SPAG16: variants seen among roughly 807,000 people sequenced by gnomAD.
SPAG16 encodes sperm associated antigen 16.
SPAG16 carries 86 observed loss-of-function variants against 80.4 expected under a neutral mutation model. The observed-to-expected ratio is 1.07, with a 90% CI of 0.90 to 1.28. The LOEUF (loss-of-function observed/expected upper bound fraction) is 1.28, where lower values mean the gene tolerates loss of function less well. Ranked by LOEUF, SPAG16 falls within the 50% of genes most tolerant of loss-of-function variation. The pLI is 0.00. For synonymous variants in SPAG16, 294 were observed against 265.9 expected, an observed-to-expected ratio of 1.11 and a Z score of -1.03; for missense variants, 870 against 765.3, an observed-to-expected ratio of 1.14 and a Z score of -1.61.
chr2:214,354,660 C>T (rs1425256920), intron 15 of SPAG16, among the ~76,000 whole-genome samples: 2 of 151,600 alleles, frequency 1.3e-5, no homozygotes, highest in Admixed American at 6.6e-5. Flanking sequence ...TTGTTTGTAT[C>T]CTCTTTTATT....
intron 13 of SPAG16, among the ~76,000 whole-genome samples, chr2:214,027,605 A>AT: frequency 2.0e-5 from 3 of 151,996 alleles, no homozygotes; most frequent in Non-Finnish European, 4.4e-5. Context: ...TACTCTTTCC[A>AT]GCAATCCATC....
rs565768447 is a variant in SPAG16 at position 214,229,861 on chromosome 2, G to A, written c.1720+80595G>A. Among the ~76,000 whole-genome samples, 26 of 151,850 alleles carry A rather than the reference G, an allele frequency of 1.7e-4. No homozygotes were observed. In the East Asian group the frequency reaches 5.0e-3, roughly 29 times the overall value. ...TCTGCTGCAGTTTGTATAGCATTAT[G>A]AAATTAATGAAAATATATTATTTTC... On this transcript the variant is annotated intron_variant, in intron 15 of 15. Coordinates refer to ENST00000331683, the MANE Select transcript of SPAG16 (RefSeq NM_024532.5).
chr2:213,832,580 C>A (rs1424080043), intron 10 of SPAG16, among the ~76,000 whole-genome samples: 1 of 152,062 alleles, frequency 6.6e-6, no homozygotes, highest in Non-Finnish European at 1.5e-5. Flanking sequence ...CCTTGAAGAC[C>A]TTTATTCCAG....
chr2:214,184,006 A>G (rs910159589), intron 15 of SPAG16, among the ~76,000 whole-genome samples: 1 of 152,084 alleles, frequency 6.6e-6, no homozygotes, highest in Non-Finnish European at 1.5e-5. Context: ...GGTCTTTACT[A>G]TACATGTATT....
chr2:213,797,804 G>A (rs2071139124), intron 10 of SPAG16, among the ~76,000 whole-genome samples: 1 of 152,192 alleles, frequency 6.6e-6, no homozygotes. Context: ...TCTTTGTGTA[G>A]ACATCTGCTT....
chr2:213,897,650 G>C (rs766259934), intron 11 of SPAG16, among the ~76,000 whole-genome samples: 5 of 152,106 alleles, frequency 3.3e-5, no homozygotes, highest in Non-Finnish European at 5.9e-5. Context: ...CATAGCTCGA[G>C]TGGGTAGCAT....
intron 11 of SPAG16, among the ~76,000 whole-genome samples, chr2:213,912,341 G>A (rs931005141): frequency 3.3e-5 from 5 of 151,924 alleles, no homozygotes; most frequent in Non-Finnish European, 7.4e-5. Flanking sequence ...TTTCTTGTAC[G>A]TATCTATATT....
chr2:214,177,916 CATATAT>C (rs10622953), intron 15 of SPAG16, among the ~76,000 whole-genome samples: 5 of 92,204 alleles, frequency 5.4e-5, no homozygotes, highest in South Asian at 3.4e-4. Flanking sequence ...TATATATATA[CATATAT>C]ATATATATAT....
At chr2:214,012,415 C>T (rs371048269) in intron 12 of SPAG16, among the ~76,000 whole-genome samples, 1 of 150,594 alleles carries the variant, frequency 6.6e-6, no homozygotes, top group Non-Finnish European at 1.5e-5. Flanking sequence ...CCTGCTTCAG[C>T]CTCCCGAGTA....
chr2:213,573,323 C>T (rs2059996663), intron 10 of SPAG16, among the ~76,000 whole-genome samples: 1 of 152,348 alleles, frequency 6.6e-6, no homozygotes, highest in East Asian at 1.9e-4. Context: ...TTGATTAATT[C>T]TAATTACCTA....
At chr2:213,860,459 A>C (rs1441273502) in intron 10 of SPAG16, among the ~76,000 whole-genome samples, 9 of 117,714 alleles carry the variant, frequency 7.6e-5, no homozygotes, top group Non-Finnish European at 1.1e-4. Context: ...GTATATATAT[A>C]CAGATATATC....
intron 11 of SPAG16, among the ~76,000 whole-genome samples, chr2:213,863,635 C>T (rs2075571615): frequency 2.6e-5 from 4 of 151,768 alleles, no homozygotes; most frequent in Non-Finnish European, 5.9e-5. Context: ...AGAGCCTTGC[C>T]ACCCTCTCAC....
At position 213,872,623 on chromosome 2, in the gene SPAG16, T is replaced by A. The variant is rs78721293; in HGVS notation, c.1214+9995T>A. 2.5e-4 allele frequency among the ~76,000 whole-genome samples: 38 copies of A among 152,248 alleles called. No individual in the cohort carries two copies. In the East Asian group the frequency reaches 7.0e-3, roughly 28 times the overall value. ...GCTCTGGCTCGAACCTCCAGTGCAATGTTGAAAAGAAGTGACAAATGAAGA... is the reference window on the plus strand; with the variant it reads ...GCTCTGGCTCGAACCTCCAGTGCAAAGTTGAAAAGAAGTGACAAATGAAGA... On this transcript the variant is annotated intron_variant, in intron 11 of 15. Coordinates refer to ENST00000331683, the MANE Select transcript of SPAG16 (RefSeq NM_024532.5).
chr2:214,286,156 G>A (rs1460970071), intron 15 of SPAG16, among the ~76,000 whole-genome samples: 1 of 152,156 alleles, frequency 6.6e-6, no homozygotes, highest in Admixed American at 6.5e-5. Flanking sequence ...GTAGAATGGT[G>A]GTTGCTGGGC....
At chr2:213,419,871 C>G (rs936344834) in intron 9 of SPAG16, among the ~76,000 whole-genome samples, 4 of 152,156 alleles carry the variant, frequency 2.6e-5, no homozygotes, top group Non-Finnish European at 4.4e-5. Flanking sequence ...TATCTCACTT[C>G]AGCTCCTGCA....
At chr2:214,136,565 T>C (rs1221596380) in intron 14 of SPAG16, among the ~76,000 whole-genome samples, 2 of 152,226 alleles carry the variant, frequency 1.3e-5, no homozygotes, top group Non-Finnish European at 2.9e-5. Flanking sequence ...TGGTAGTTGT[T>C]AATGCCTAAC....
At chr2:213,503,667 C>T (rs191061995) in intron 10 of SPAG16, among the ~76,000 whole-genome samples, 1 of 152,270 alleles carries the variant, frequency 6.6e-6, no homozygotes, top group South Asian at 2.1e-4. Context: ...TTTCCCTTAG[C>T]TTAGCACTAT....
chr2:213,471,742 C>A (rs2073091486), intron 9 of SPAG16, among the ~76,000 whole-genome samples: 1 of 152,166 alleles, frequency 6.6e-6, no homozygotes, highest in South Asian at 2.1e-4. Context: ...GGAGCCCACT[C>A]AAAACTGGCA....
intron 11 of SPAG16, among the ~76,000 whole-genome samples, chr2:213,918,646 CT>C (rs2078075454): frequency 6.6e-6 from 1 of 152,118 alleles, no homozygotes; most frequent in East Asian, 1.9e-4. Flanking sequence ...TAAGACATGC[CT>C]TTTACCTTCC....
Sources: allele counts gnomAD v4.1 joint callset (sites outside exome capture counted in the v4.1 genomes callset), GRCh38; gene constraint gnomAD v4.1.1; transcripts MANE v1.5; gene names NCBI Gene and HGNC (gene_info 2026-07-23, HGNC 2026-07-21).